CFDP1: variants seen among roughly 807,000 people sequenced by gnomAD.
CFDP1 encodes the protein chromatin remodeling protein CFDP1, also known as heterochromatin-stabilizing protein CFDP1.
In CFDP1, 31 loss-of-function variants were observed where a neutral mutation model predicts 40.1. That is an observed-to-expected ratio of 0.77 (90% CI 0.58 to 1.04). The LOEUF (loss-of-function observed/expected upper bound fraction) is 1.04, where lower values mean the gene tolerates loss of function less well. CFDP1 is among the 50% of genes least tolerant of loss of function. CFDP1 has a pLI of 0.00. For synonymous variants in CFDP1, 167 were observed against 120.0 expected (o/e 1.39, Z -2.56); for missense variants, 423 against 343.4 (o/e 1.23, Z -1.83).
At chr16:75,318,873 G>A (rs879765636) in intron 5 of CFDP1, among the ~76,000 whole-genome samples, 2 of 152,124 alleles carry the variant, frequency 1.3e-5, no homozygotes, top group Non-Finnish European at 2.9e-5. Flanking sequence ...TGGGATACAG[G>A]GGTGTCCTCA....
intron 6 of CFDP1, among the ~76,000 whole-genome samples, chr16:75,299,639 G>A (rs1466439047): frequency 1.3e-5 from 2 of 151,678 alleles, no homozygotes; most frequent in African/African-American, 4.8e-5. Context: ...CCAAACAAAA[G>A]CCATGACTAT....
intron 5 of CFDP1, among the ~76,000 whole-genome samples, chr16:75,306,944 G>A (rs529624728): frequency 8.6e-5 from 13 of 151,816 alleles, no homozygotes; most frequent in Non-Finnish European, 1.2e-4. Flanking sequence ...TACCAGGAAC[G>A]GAGCATGAGT....
chr16:75,347,098 C>G (rs1470558981), intron 5 of CFDP1, among the ~76,000 whole-genome samples: 1 of 152,026 alleles, frequency 6.6e-6, no homozygotes, highest in Admixed American at 6.6e-5. Flanking sequence ...GTAATCCCAG[C>G]ACTTTGGGAG....
intron 1 of CFDP1, among the ~76,000 whole-genome samples, chr16:75,425,024 T>C (rs1047331805): frequency 2.0e-5 from 3 of 152,148 alleles, no homozygotes; most frequent in African/African-American, 7.2e-5. Context: ...GCAGAACCTG[T>C]ATTGTATTTC....
At chr16:75,398,663 T>A (rs1255796916) in intron 4 of CFDP1, among the ~76,000 whole-genome samples, 1 of 152,002 alleles carries the variant, frequency 6.6e-6, no homozygotes, top group Non-Finnish European at 1.5e-5. Flanking sequence ...GTTGGAGAGA[T>A]CATATGGGAA....
chr16:75,298,065 T>A (rs1180647043), intron 6 of CFDP1, among the ~76,000 whole-genome samples: 5 of 152,196 alleles, frequency 3.3e-5, no homozygotes, highest in African/African-American at 1.2e-4. Context: ...ACAAACTTTG[T>A]TTCAAGCACA....
chr16:75,304,340 T>G (rs2078243606), intron 6 of CFDP1, among the ~76,000 whole-genome samples: 1 of 152,220 alleles, frequency 6.6e-6, no homozygotes, highest in Non-Finnish European at 1.5e-5. Context: ...AGTGCCAAGA[T>G]TACAGGTGTG....
chr16:75,367,164 CAA>C lies in CFDP1; in HGVS notation c.650+27924_650+27925del, dbSNP rs35018865. Among the ~76,000 whole-genome samples, 741 of 86,950 alleles carry C rather than the reference CAA, an allele frequency of 8.5e-3. 5 individuals are homozygous for C. Among genetic ancestry groups the C allele is most frequent in the African/African-American group, 0.028 (604 of 21,582 alleles). 57.0% of individuals were successfully genotyped at this position (86,950 alleles called of 152,430 possible). The stretch of plus-strand genomic sequence containing the variant: ...GAGTGACAGGAACGAGACTCCATCT[CAA>C]AAAAAAAAAAAAAAAAAAATTACTA... On this transcript the variant is annotated intron_variant, in intron 5 of 6. Coordinates refer to ENST00000283882, the MANE Select transcript of CFDP1 (RefSeq NM_006324.3).
At chr16:75,308,636 G>C (rs2078273894) in intron 5 of CFDP1, among the ~76,000 whole-genome samples, 1 of 152,066 alleles carries the variant, frequency 6.6e-6, no homozygotes, top group Admixed American at 6.6e-5. Context: ...GTATTCTTTA[G>C]AGCGCTTCTA....
At chr16:75,365,578 ATAGTAGCCAGTGCTTG>A (rs1251401502) in intron 5 of CFDP1, among the ~76,000 whole-genome samples, 1 of 152,200 alleles carries the variant, frequency 6.6e-6, no homozygotes, top group Non-Finnish European at 1.5e-5. Flanking sequence ...ACAGTCAGGC[ATAGTAGCCAGTGCTTG>A]TAGCACTAGC....
At chr16:75,431,523 T>A (rs1259563896) in intron 1 of CFDP1, among the ~76,000 whole-genome samples, 2 of 143,530 alleles carry the variant, frequency 1.4e-5, no homozygotes, top group African/African-American at 2.6e-5. Context: ...GCGCCTGTAA[T>A]CCCACCTACT....
At chr16:75,397,843 A>G (rs983287699) in intron 4 of CFDP1, among the ~76,000 whole-genome samples, 3 of 152,150 alleles carry the variant, frequency 2.0e-5, no homozygotes, top group Non-Finnish European at 4.4e-5. Flanking sequence ...GAACAAAACA[A>G]AACAAATCCT....
At chr16:75,313,955 G>A (rs1305422812) in intron 5 of CFDP1, among the ~76,000 whole-genome samples, 1 of 152,024 alleles carries the variant, frequency 6.6e-6, no homozygotes, top group Non-Finnish European at 1.5e-5. Context: ...TGCAATCTTG[G>A]CTCACCGCAA....
Position 75,410,839 on chromosome 16 carries a change from G to T in CFDP1, c.530+986C>A, listed in dbSNP as rs541880023. Reference sequence around the variant, plus strand: ...CAGGAGAATGGCGTGAACCCAGGAGGTGGAGCTTGCAGTGAGCCGAGACTG... The same window carrying T: ...CAGGAGAATGGCGTGAACCCAGGAGTTGGAGCTTGCAGTGAGCCGAGACTG... On this transcript the variant is annotated intron_variant, in intron 4 of 6. Transcript: ENST00000283882. 9.3e-5 allele frequency among the ~76,000 whole-genome samples: 14 copies of T among 150,200 alleles called. No individual in the cohort carries two copies. The South Asian group carries it at 3.0e-3, about 32-fold the overall frequency.
chr16:75,376,083 C>A (rs1386049824), intron 5 of CFDP1, among the ~76,000 whole-genome samples: 1 of 152,116 alleles, frequency 6.6e-6, no homozygotes. Context: ...TAGTGGTGTG[C>A]ACCTGTAGTC....
At chr16:75,296,790 G>A (rs1019640992) in intron 6 of CFDP1, among the ~76,000 whole-genome samples, 1 of 152,186 alleles carries the variant, frequency 6.6e-6, no homozygotes, top group African/African-American at 2.4e-5. Context: ...CATCAAGGCA[G>A]GTCTGGTGAC....
At chr16:75,315,645 T>C (rs906464798) in intron 5 of CFDP1, among the ~76,000 whole-genome samples, 5 of 152,202 alleles carry the variant, frequency 3.3e-5, no homozygotes, top group African/African-American at 4.8e-5. Context: ...ACGCTTCACT[T>C]AGATTCAATT....
chr16:75,304,942 C>G, intron 6 of CFDP1, 82 bp downstream of exon 6: 2 of 1,406,412 alleles, frequency 1.4e-6, no homozygotes, highest in South Asian at 1.3e-5. Context: ...TGCTTGCTTA[C>G]AGTGGGCAGT....
intron 5 of CFDP1, among the ~76,000 whole-genome samples, chr16:75,343,864 T>G (rs939051342): frequency 3.3e-5 from 5 of 152,200 alleles, no homozygotes; most frequent in Admixed American, 6.5e-5. Flanking sequence ...GGTAGTTGAG[T>G]AGACGGGGCA....
Sources: allele counts gnomAD v4.1 joint callset (sites outside exome capture counted in the v4.1 genomes callset), GRCh38; gene constraint gnomAD v4.1.1; transcripts MANE v1.5; gene names NCBI Gene and HGNC (gene_info 2026-07-23, HGNC 2026-07-21).